TLL2: variants seen among roughly 807,000 people sequenced by gnomAD.
TLL2 encodes tolloid like 2.
TLL2 carries 106 observed loss-of-function variants against 123.0 expected under a neutral mutation model. That is an observed-to-expected ratio of 0.86 (90% CI 0.74 to 1.01). The LOEUF (loss-of-function observed/expected upper bound fraction) is 1.01, where lower values mean the gene tolerates loss of function less well. Among genes scored for constraint, TLL2 ranks in the 50% least tolerant of loss-of-function variants. The pLI is 0.00. For synonymous variants in TLL2, 494 were observed against 516.8 expected (o/e 0.96, Z 0.60); for missense variants, 1,332 against 1,336.7 (o/e 1.00, Z 0.06).
At chr10:96,368,282 G>A in intron 20 of TLL2, 60 bp from the exon 21 acceptor site, 1 of 1,592,648 alleles carries the variant, frequency 6.3e-7, no homozygotes, top group Non-Finnish European at 8.5e-7. Flanking sequence ...TTGAAAATGA[G>A]GAGGATGGGA....
chr10:96,493,468 A>C (rs1847436399), intron 1 of TLL2, among the ~76,000 whole-genome samples: 1 of 152,208 alleles, frequency 6.6e-6, no homozygotes, highest in Non-Finnish European at 1.5e-5. Context: ...AGGCACTGTC[A>C]GGGCAGGAGC....
intron 19 of TLL2, 163 bp downstream of exon 19, chr10:96,373,433 G>A (rs1162558309): frequency 2.7e-5 from 18 of 675,324 alleles, no homozygotes; most frequent in South Asian, 3.8e-5. Context: ...GAGCCACCAC[G>A]CCCAGCTTGA....
intron 1 of TLL2, among the ~76,000 whole-genome samples, chr10:96,489,779 A>T (rs940597219): frequency 1.3e-5 from 2 of 152,228 alleles, no homozygotes; most frequent in African/African-American, 4.8e-5. Context: ...TATAAAATAA[A>T]ATAATGTAAA....
intron 7 of TLL2, among the ~76,000 whole-genome samples, chr10:96,419,367 G>A (rs887535051): frequency 2.0e-5 from 3 of 152,282 alleles, no homozygotes; most frequent in Non-Finnish European, 2.9e-5. Flanking sequence ...CTGTGGAGGT[G>A]GAGATTTAAC....
At chr10:96,445,303 C>A (rs896249363) in intron 3 of TLL2, among the ~76,000 whole-genome samples, 3 of 152,228 alleles carry the variant, frequency 2.0e-5, no homozygotes, top group Admixed American at 6.5e-5. Context: ...TCCAGCAGCC[C>A]CTCTCCTCCA....
chr10:96,500,279 C>T (rs1847522207), intron 1 of TLL2, among the ~76,000 whole-genome samples: 2 of 151,762 alleles, frequency 1.3e-5, no homozygotes, highest in Non-Finnish European at 2.9e-5. Context: ...GATTGCGCCA[C>T]TGCACTTTAG....
At chr10:96,410,580 C>A in intron 8 of TLL2, 106 bp from the exon 9 acceptor site, 1 of 846,052 alleles carries the variant, frequency 1.2e-6, no homozygotes, top group Non-Finnish European at 2.0e-6. Context: ...CCAGCCAAAG[C>A]CCTCGGAACA....
intron 12 of TLL2, 83 bp from the exon 13 acceptor site, chr10:96,395,465 C>G: frequency 5.8e-6 from 8 of 1,391,052 alleles, no homozygotes; most frequent in Non-Finnish European, 7.6e-6. Flanking sequence ...CCAAATATCA[C>G]TCTCAAAATC....
intron 2 of TLL2, among the ~76,000 whole-genome samples, chr10:96,477,214 G>GA (rs895479521): frequency 6.8e-5 from 10 of 147,216 alleles, no homozygotes; most frequent in Non-Finnish European, 1.0e-4. Context: ...AAACACACTA[G>GA]AAAAAAAAAT....
At chr10:96,412,580 C>T (rs1016800306) in intron 8 of TLL2, among the ~76,000 whole-genome samples, 1 of 152,130 alleles carries the variant, frequency 6.6e-6, no homozygotes, top group African/African-American at 2.4e-5. Flanking sequence ...TCCAAACGGG[C>T]CAGGGAACAG....
chr10:96,405,138 T>C (rs561132351), intron 10 of TLL2, 94 bp downstream of exon 10: 3 of 1,169,320 alleles, frequency 2.6e-6, no homozygotes, highest in Admixed American at 3.6e-5. Context: ...GAGAGTTTCC[T>C]GTGACCGCTG....
chr10:96,393,923 TC>T (rs1846313437), intron 13 of TLL2, among the ~76,000 whole-genome samples: 1 of 152,176 alleles, frequency 6.6e-6, no homozygotes, highest in African/African-American at 2.4e-5. Context: ...AGCCGTCCTT[TC>T]TTTGGGGCTT....
At chr10:96,422,791 C>T in intron 5 of TLL2, 64 bp from the exon 6 acceptor site, 1 of 1,578,174 alleles carries the variant, frequency 6.3e-7, no homozygotes, top group African/African-American at 1.3e-5. Flanking sequence ...GAGGCAAGTC[C>T]CCCCTCCCAC....
chr10:96,505,900 CA>C (rs748741944), intron 1 of TLL2, among the ~76,000 whole-genome samples: 17 of 152,142 alleles, frequency 1.1e-4, no homozygotes, highest in Non-Finnish European at 2.4e-4. Flanking sequence ...GCATGATACA[CA>C]AACGGACACT....
chr10:96,425,259 T>TC (rs1846668076), intron 5 of TLL2, among the ~76,000 whole-genome samples: 1 of 144,258 alleles, frequency 6.9e-6, no homozygotes, highest in African/African-American at 2.6e-5. Flanking sequence ...CATTACTGTT[T>TC]TCTCTCTCTC....
chr10:96,389,169 G>A (rs1043178145), intron 13 of TLL2, among the ~76,000 whole-genome samples: 19 of 152,306 alleles, frequency 1.2e-4, no homozygotes, highest in African/African-American at 4.1e-4. Flanking sequence ...TCCTCCAGCC[G>A]ATCTTCCTCC....
At chr10:96,421,852 A>C (rs1846627420) in intron 6 of TLL2, among the ~76,000 whole-genome samples, 2 of 152,056 alleles carry the variant, frequency 1.3e-5, no homozygotes, top group African/African-American at 2.4e-5. Context: ...AACAAACAAA[A>C]AAAACAAAAC....
chr10:96,451,202 C>G (rs1281892336), intron 2 of TLL2, among the ~76,000 whole-genome samples: 2 of 152,134 alleles, frequency 1.3e-5, no homozygotes, highest in Non-Finnish European at 2.9e-5. Flanking sequence ...TTTTCTAATT[C>G]ACCATATAAT....
At chr10:96,444,633 C>T (rs1846878467) in intron 3 of TLL2, among the ~76,000 whole-genome samples, 1 of 152,042 alleles carries the variant, frequency 6.6e-6, no homozygotes. Flanking sequence ...CACTAGCATG[C>T]ATAACCTGGG....
Sources: gnomAD v4.1 joint callset for allele counts (sites outside exome capture counted in the v4.1 genomes callset) on GRCh38, gnomAD v4.1.1 for gene constraint, MANE v1.5 for transcripts, NCBI Gene and HGNC (gene_info 2026-07-23, HGNC 2026-07-21) for gene names.